The following CA10 variants were observed in gnomAD, a reference collection of about 807,000 sequenced individuals.
CA10 encodes carbonic anhydrase 10 (inactive).
A neutral mutation model predicts 44.2 loss-of-function variants in CA10; 14 were observed. The ratio of observed to expected loss-of-function variants is 0.32; its 90% confidence interval spans 0.21 to 0.50. The LOEUF (loss-of-function observed/expected upper bound fraction) is 0.50, where lower values mean the gene tolerates loss of function less well. Among genes scored for constraint, CA10 ranks in the 20% least tolerant of loss-of-function variants. The pLI is 0.99. For synonymous variants in CA10, 159 were observed against 141.6 expected, an observed-to-expected ratio of 1.12 and a Z score of -0.87; for missense variants, 350 against 409.7, an observed-to-expected ratio of 0.85 and a Z score of 1.26.
intron 4 of CA10, among the ~76,000 whole-genome samples, chr17:51,725,491 A>T (rs1916485207): frequency 1.3e-5 from 2 of 151,742 alleles, no homozygotes; most frequent in Admixed American, 1.3e-4. Context: ...TTTCCCAGTA[A>T]CCCTCTCTGT....
At chr17:51,950,095 T>G (rs1983425631) in intron 2 of CA10, among the ~76,000 whole-genome samples, 1 of 152,136 alleles carries the variant, frequency 6.6e-6, no homozygotes, top group Non-Finnish European at 1.5e-5. Flanking sequence ...ACACTGACCT[T>G]CTTACTGATC....
At chr17:51,846,737 A>G (rs73346514) in intron 3 of CA10, among the ~76,000 whole-genome samples, 23,226 of 152,160 alleles carry the variant, frequency 0.15, 3,947 homozygotes, top group African/African-American at 0.42. Context: ...TTTTAAGCAA[A>G]TCATGCAAGT....
chr17:51,747,325 T>C (rs1171139856), intron 4 of CA10, among the ~76,000 whole-genome samples: 1 of 152,232 alleles, frequency 6.6e-6, no homozygotes, highest in Non-Finnish European at 1.5e-5. Flanking sequence ...GTATTATATA[T>C]ATAAGGTGAG....
chr17:52,080,545 AATC>A (rs1987947032), intron 1 of CA10, among the ~76,000 whole-genome samples: 1 of 151,924 alleles, frequency 6.6e-6, no homozygotes, highest in Non-Finnish European at 1.5e-5. Context: ...TAGACTTGAA[AATC>A]ATCAGGAGGA....
intron 3 of CA10, among the ~76,000 whole-genome samples, chr17:51,869,429 A>G (rs1165342740): frequency 6.6e-6 from 1 of 152,184 alleles, no homozygotes; most frequent in African/African-American, 2.4e-5. Context: ...CTGACGTGAA[A>G]GTTTACTCCT....
intron 2 of CA10, among the ~76,000 whole-genome samples, chr17:51,960,777 T>C (rs1287948466): frequency 2.0e-5 from 3 of 152,130 alleles, no homozygotes; most frequent in African/African-American, 7.2e-5. Flanking sequence ...AATCAAAATA[T>C]GAGAGAGGAA....
intron 1 of CA10, among the ~76,000 whole-genome samples, chr17:52,152,000 T>G (rs1003640260): frequency 1.3e-5 from 2 of 152,120 alleles, no homozygotes; most frequent in Admixed American, 6.6e-5. Flanking sequence ...AATGGTGTTT[T>G]TTTATCCTTA....
intron 3 of CA10, among the ~76,000 whole-genome samples, chr17:51,796,412 A>G (rs532743041): frequency 5.2e-4 from 79 of 152,270 alleles, no homozygotes; most frequent in African/African-American, 1.9e-3. Flanking sequence ...TGCAAGTTCA[A>G]GTGTCCTGTC....
chr17:51,802,936 G>A (rs1206743212), intron 3 of CA10, among the ~76,000 whole-genome samples: 10 of 152,138 alleles, frequency 6.6e-5, no homozygotes, highest in Admixed American at 1.3e-4. Context: ...CAGTCATCTC[G>A]TTGACATTAA....
intron 2 of CA10, among the ~76,000 whole-genome samples, chr17:51,956,867 A>T (rs1983686681): frequency 6.6e-6 from 1 of 152,112 alleles, no homozygotes; most frequent in Admixed American, 6.5e-5. Context: ...AGGGAACTAC[A>T]CATGCTACAG....
chr17:51,761,347 A>G (rs1345147132), intron 3 of CA10: 3 of 152,322 alleles, frequency 2.0e-5, no homozygotes, highest in African/African-American at 7.2e-5. Flanking sequence ...GTTAGAATCT[A>G]TTGATGTTGA....
chr17:51,832,072 C>T (rs570192757), intron 3 of CA10, among the ~76,000 whole-genome samples: 3 of 152,274 alleles, frequency 2.0e-5, no homozygotes, highest in Non-Finnish European at 2.9e-5. Flanking sequence ...GCTTCAGGGC[C>T]TTCAGTTGAA....
At chr17:51,695,516 T>C (rs1156626390) in intron 4 of CA10, among the ~76,000 whole-genome samples, 1 of 152,198 alleles carries the variant, frequency 6.6e-6, no homozygotes, top group Non-Finnish European at 1.5e-5. Flanking sequence ...TGTACATTGA[T>C]TTTGTATCCT....
At chr17:51,700,096 G>A (rs1915541369) in intron 4 of CA10, among the ~76,000 whole-genome samples, 1 of 152,160 alleles carries the variant, frequency 6.6e-6, no homozygotes, top group African/African-American at 2.4e-5. Flanking sequence ...TAGGCTGCAC[G>A]ATGCTGCAGA....
At chr17:51,857,077 A>G (rs1402294023) in intron 3 of CA10, among the ~76,000 whole-genome samples, 1 of 152,248 alleles carries the variant, frequency 6.6e-6, no homozygotes, top group East Asian at 1.9e-4. Flanking sequence ...TACCACAATT[A>G]CATAAATCAA....
chr17:51,952,887 A>G (rs1983537356), intron 2 of CA10, among the ~76,000 whole-genome samples: 1 of 152,152 alleles, frequency 6.6e-6, no homozygotes, highest in African/African-American at 2.4e-5. Context: ...TCCTATATGA[A>G]AACCCATCCA....
At chr17:51,970,661 T>G (rs1444482357) in intron 2 of CA10, among the ~76,000 whole-genome samples, 1 of 152,246 alleles carries the variant, frequency 6.6e-6, no homozygotes, top group African/African-American at 2.4e-5. Context: ...TTTTGTGATC[T>G]AATTCATCAG....
At chr17:51,991,275 A>T (rs1171438947) in intron 2 of CA10, among the ~76,000 whole-genome samples, 2 of 152,150 alleles carry the variant, frequency 1.3e-5, no homozygotes, top group Non-Finnish European at 2.9e-5. Context: ...ACTTGATATT[A>T]TCCCTATTTT....
At chr17:51,779,797 A>G (rs1174000544) in intron 3 of CA10, among the ~76,000 whole-genome samples, 1 of 152,176 alleles carries the variant, frequency 6.6e-6, no homozygotes, top group African/African-American at 2.4e-5. Flanking sequence ...GTACCTTGGA[A>G]AGTAATTCAT....
Sources: allele counts gnomAD v4.1 joint callset (sites outside exome capture counted in the v4.1 genomes callset), GRCh38; gene constraint gnomAD v4.1.1; transcripts MANE v1.5; gene names NCBI Gene and HGNC (gene_info 2026-07-23, HGNC 2026-07-21).